Variants in FCER1A observed in about 807,000 individuals in gnomAD.
FCER1A encodes high affinity immunoglobulin epsilon receptor subunit alpha.
Under a neutral mutation model 23.6 loss-of-function variants are expected in FCER1A, and 24 were observed. That is an observed-to-expected ratio of 1.02 (90% confidence interval 0.74 to 1.43). FCER1A has a LOEUF of 1.43. FCER1A is among the 40% of genes most tolerant of loss of function. FCER1A has a pLI of 0.00. For synonymous variants in FCER1A, 121 were observed against 108.8 expected, an observed-to-expected ratio of 1.11 and a Z score of -0.70; for missense variants, 318 against 294.5, an observed-to-expected ratio of 1.08 and a Z score of -0.58.
rs555797500 is a variant in FCER1A, at chr1:159,306,210, A to T, written c.554A>T (p.Tyr185Phe). Residue 185 changes from tyrosine (Y) to phenylalanine (F), a missense_variant, in exon 4 of 5, where the codon TAT becomes TTT. Coordinates refer to ENST00000693622, the MANE Select transcript of FCER1A (RefSeq NM_001387280.1). ...YCTGKVWQLD[Y>F]ESEPLNITVI... ...ACGGGCAAAGTGTGGCAGCTGGACT[A>T]TGAGTCTGAGCCCCTCAACATTACT... The T allele has an allele frequency of 6.2e-7, 1 of 1,614,132 alleles. No individual in the cohort carries two copies. The highest frequency in any genetic ancestry group is 2.2e-5 in the East Asian group (1 of 44,878).
At chr1:159,290,564 T>C (rs754222350) in intron 1 of FCER1A, among the ~76,000 whole-genome samples, 30 of 152,188 alleles carry the variant, frequency 2.0e-4, no homozygotes, top group Non-Finnish European at 3.7e-4. Context: ...AATGCCTTTC[T>C]TCCTCATGTT....
intron 1 of FCER1A, 145 bp from the exon 2 acceptor site, chr1:159,302,709 T>G: frequency 1.3e-6 from 1 of 788,266 alleles, no homozygotes; most frequent in Non-Finnish European, 2.2e-6. Context: ...AAAGAAGCTC[T>G]TTCTTCCCCT....
rs769858598 is a variant in FCER1A, at chr1:159,304,223, G to GGGAT, written c.331+44_331+47dup. 1.3e-5 allele frequency: 20 copies of GGGAT among 1,590,064 alleles called. No individual in the cohort carries two copies. The African/African-American group carries it at 2.4e-4, about 19-fold the overall frequency. On this transcript the variant is annotated intron_variant, in intron 3 of 4. Transcript: ENST00000693622. ...ATGGAAATACAGATCTCTCATGTGA[G>GGGAT]GGATGGCTCATCTGAAGATGGGAAA...
upstream of FCER1A, among the ~76,000 whole-genome samples, chr1:159,285,466 A>C (rs1651990871): frequency 6.6e-6 from 1 of 151,926 alleles, no homozygotes; most frequent in South Asian, 2.1e-4. Context: ...ATTATATTAG[A>C]TATATTAAAC....
At chr1:159,295,274 T>G (rs1044754378) in intron 1 of FCER1A, among the ~76,000 whole-genome samples, 3 of 152,108 alleles carry the variant, frequency 2.0e-5, no homozygotes, top group African/African-American at 4.8e-5. Context: ...AGTTCCTTTT[T>G]TTGTCCACCT....
In FCER1A at chr1:159,293,725, A is replaced by G. The variant is rs571806670; in HGVS notation, c.-60+3972A>G. On this transcript the variant is annotated intron_variant, in intron 1 of 5. Coordinates refer to the FCER1A transcript ENST00000368115. The stretch of plus-strand genomic sequence containing the variant: ...ATGTCCCTACAAAGGACATGAACTC[A>G]TCACTTTTTATGGCTGCATAGTATT... 6.6e-5 allele frequency among the ~76,000 whole-genome samples: 10 copies of G among 152,134 alleles called. No individual in the cohort carries two copies. The South Asian group carries it at 2.1e-3, about 32-fold the overall frequency.
chr1:159,305,068 A>G (rs1213966516), intron 3 of FCER1A, among the ~76,000 whole-genome samples: 1 of 152,168 alleles, frequency 6.6e-6, no homozygotes, highest in African/African-American at 2.4e-5. Context: ...CAAATTAATG[A>G]TTTTGAATAG....
Position 159,295,641 on chromosome 1 carries a change from C to A in FCER1A, c.-60+5888C>A, listed in dbSNP as rs527795877. The stretch of plus-strand genomic sequence containing the variant: ...CTCAATATTCATTTGTTTTCTTGAA[C>A]CTCTATGATAATCTGCAAGTGTTTC... On this transcript the variant is annotated intron_variant, in intron 1 of 5. Coordinates refer to the FCER1A transcript ENST00000368115. Among the ~76,000 whole-genome samples the A allele has an allele frequency of 2.2e-4, 34 of 152,200 alleles. No individual in the cohort carries two copies. In the South Asian group the frequency reaches 6.2e-3, roughly 28 times the overall value.
intron 3 of FCER1A, among the ~76,000 whole-genome samples, chr1:159,305,461 C>G (rs1487000831): frequency 6.6e-6 from 1 of 152,038 alleles, no homozygotes; most frequent in Non-Finnish European, 1.5e-5. Flanking sequence ...AGACAGGGTC[C>G]CTGACTTCTT....
rs1047729375 is a variant in FCER1A, at chr1:159,306,427, T to G, written c.589+182T>G. On this transcript the variant is annotated intron_variant, in intron 4 of 4. Coordinates refer to ENST00000693622, the MANE Select transcript of FCER1A (RefSeq NM_001387280.1). ...TCAATCTCTGTTTCAAAGCCTTGAC[T>G]TGTTAAATGGTGATAGTAATACCTG... Among the ~76,000 whole-genome samples the G allele has an allele frequency of 7.2e-5, 11 of 152,172 alleles. 1 individual carries two copies. The highest frequency in any genetic ancestry group is 5.9e-4 in the Admixed American group (9 of 15,282).
upstream of FCER1A, among the ~76,000 whole-genome samples, chr1:159,300,396 A>T (rs1000093390): frequency 6.6e-6 from 1 of 152,072 alleles, no homozygotes; most frequent in African/African-American, 2.4e-5. Flanking sequence ...GTCTCAACAA[A>T]CTGGTAAAGT....
intron 1 of FCER1A, among the ~76,000 whole-genome samples, chr1:159,295,886 C>T (rs936570583): frequency 5.3e-5 from 8 of 152,152 alleles, no homozygotes; most frequent in African/African-American, 1.9e-4. Flanking sequence ...TGCTGTGAAA[C>T]TGCATACTCT....
At chr1:159,295,622 A>G (rs1652277568) in intron 1 of FCER1A, among the ~76,000 whole-genome samples, 1 of 152,168 alleles carries the variant, frequency 6.6e-6, no homozygotes. Flanking sequence ...GACACTCAAT[A>G]TTCATTTGTT....
At chr1:159,288,459 ATCTCCTGGTG>A (rs11279835), upstream of FCER1A, among the ~76,000 whole-genome samples, 18,645 of 151,996 alleles carry the variant, frequency 0.12, 3,852 homozygotes, top group African/African-American at 0.43. Context: ...TGACACTACT[ATCTCCTGGTG>A]TTTCTGTTAG....
intron 4 of FCER1A, among the ~76,000 whole-genome samples, chr1:159,307,331 C>T (rs1652645155): frequency 6.6e-6 from 1 of 152,186 alleles, no homozygotes; most frequent in Non-Finnish European, 1.5e-5. Context: ...TTAACTAGTG[C>T]AATTTCTTCA....
chr1:159,293,550 C>A (rs1218127516), intron 1 of FCER1A, among the ~76,000 whole-genome samples: 6 of 111,490 alleles, frequency 5.4e-5, no homozygotes, highest in Admixed American at 3.2e-4. Context: ...CCCCTCCCCC[C>A]ACCCCACAAC....
At chr1:159,286,010 T>G (rs1364753139), upstream of FCER1A, among the ~76,000 whole-genome samples, 1 of 151,828 alleles carries the variant, frequency 6.6e-6, no homozygotes, top group Non-Finnish European at 1.5e-5. Flanking sequence ...ACCAGCATGG[T>G]GAAACACAAT....
chr1:159,302,509 T>G, intron 1 of FCER1A, 90 bp downstream of exon 1: 1 of 920,900 alleles, frequency 1.1e-6, no homozygotes, highest in Non-Finnish European at 1.8e-6. Context: ...GGTGGTGACT[T>G]TTTCTAGGAC....
Position 159,303,958 on chromosome 1 carries a change from C to T in FCER1A, c.107C>T (p.Pro36Leu). 6.2e-7 allele frequency: 1 copy of T among 1,611,422 alleles called. No individual in the cohort carries two copies. Reference protein sequence around the residue: ...VPQKPKVSLNPPWNRIFKGEN... With the variant: ...VPQKPKVSLNLPWNRIFKGEN... ...CAGAAACCTAAGGTCTCCTTGAACC[C>T]TCCATGGAATAGAATATTTAAAGGA... Residue 36 changes from proline (P) to leucine (L), a missense_variant, in exon 3 of 5, where the codon CCT (proline) becomes CTT (leucine). Pro to Leu is a moderately conservative substitution (Grantham distance 98). Transcript: ENST00000693622.
Sources: gnomAD v4.1 joint callset for allele counts (sites outside exome capture counted in the v4.1 genomes callset) on GRCh38, gnomAD v4.1.1 for gene constraint, MANE v1.5 for transcripts, NCBI Gene and HGNC (gene_info 2026-07-23, HGNC 2026-07-21) for gene names.